NSUN3: variants seen among roughly 807,000 people sequenced by gnomAD.
The protein encoded by NSUN3 is NOP2/Sun RNA methyltransferase 3.
Under a neutral mutation model 36.8 loss-of-function variants are expected in NSUN3, and 24 were observed. The ratio of observed to expected loss-of-function variants is 0.65; its 90% CI spans 0.47 to 0.92. The LOEUF is 0.92. Ranked by LOEUF, NSUN3 falls within the 40% of genes least tolerant of loss-of-function variation. The pLI is 0.00. For missense variants in NSUN3, 381 were observed against 392.8 expected (o/e 0.97, Z 0.25); for synonymous variants, 146 against 145.2 (o/e 1.01, Z -0.04).
intron 4 of NSUN3, 97 bp downstream of exon 4, chr3:94,094,391 C>A (rs2077328934): frequency 1.6e-6 from 2 of 1,235,572 alleles, no homozygotes; most frequent in African/African-American, 1.5e-5. Context: ...TCAGACATAG[C>A]CTGATACAGT....
intron 5 of NSUN3, 25 bp downstream of exon 5, chr3:94,095,179 T>C: frequency 6.2e-7 from 1 of 1,607,458 alleles, no homozygotes; most frequent in Non-Finnish European, 8.5e-7. Flanking sequence ...TACAAAAGTG[T>C]ATTTTGGTGT....
At chr3:94,115,966 C>T in intron 5 of NSUN3, among the ~76,000 whole-genome samples, 1 of 152,236 alleles carries the variant, frequency 6.6e-6, no homozygotes, top group East Asian at 1.9e-4. Flanking sequence ...GAAACACCTT[C>T]CTTTGGAACT....
intron 5 of NSUN3, among the ~76,000 whole-genome samples, chr3:94,098,494 G>GT (rs906320186): frequency 2.6e-5 from 4 of 152,124 alleles, no homozygotes; most frequent in Non-Finnish European, 5.9e-5. Context: ...TTGTTTGTTT[G>GT]TTTTTTTAAT....
At chr3:94,122,151 TAA>T (rs753343062) in intron 5 of NSUN3, among the ~76,000 whole-genome samples, 41 of 57,014 alleles carry the variant, frequency 7.2e-4, no homozygotes, top group Admixed American at 1.2e-3. Context: ...TCCCCCCACC[TAA>T]AAAAAAAAAA....
chr3:94,124,148 C>CTTTTTTT (rs58987431), intron 5 of NSUN3, among the ~76,000 whole-genome samples: 18 of 88,184 alleles, frequency 2.0e-4, no homozygotes, highest in East Asian at 3.7e-4. Context: ...TATTTTATTT[C>CTTTTTTT]TTTTTTTTTT....
At chr3:94,077,801 T>G (rs2107241905) in intron 2 of NSUN3, among the ~76,000 whole-genome samples, 1 of 152,340 alleles carries the variant, frequency 6.6e-6, no homozygotes, top group East Asian at 1.9e-4. Context: ...ATATTATTTT[T>G]TATTGCGTCT....
intron 2 of NSUN3, among the ~76,000 whole-genome samples, chr3:94,075,137 A>C (rs1210960517): frequency 1.3e-5 from 2 of 152,038 alleles, no homozygotes; most frequent in African/African-American, 4.8e-5. Context: ...TTTAATTTTT[A>C]AAACAAATAC....
At chr3:94,092,628 G>T (rs2077320166) in intron 3 of NSUN3, among the ~76,000 whole-genome samples, 1 of 152,080 alleles carries the variant, frequency 6.6e-6, no homozygotes, top group Non-Finnish European at 1.5e-5. Flanking sequence ...CCTGGGCCTG[G>T]CACGGTGGCT....
intron 5 of NSUN3, among the ~76,000 whole-genome samples, chr3:94,097,448 G>A (rs1262324788): frequency 6.6e-6 from 1 of 151,804 alleles, no homozygotes; most frequent in Non-Finnish European, 1.5e-5. Flanking sequence ...ACATTCAAGA[G>A]GATCTATTGT....
chr3:94,126,231 G>C lies in NSUN3; in HGVS notation c.764G>C (p.Arg255Pro). The C allele has an allele frequency of 6.2e-7, 1 of 1,613,762 alleles. No homozygotes were observed. The highest frequency in any genetic ancestry group is 8.5e-7 in the Non-Finnish European group (1 of 1,179,780). Residue 255 changes from arginine (R) to proline (P), a missense_variant, in exon 6 of 6, where the codon CGT (arginine) becomes CCT (proline). Physicochemically the swap from Arg to Pro is moderately radical, Grantham distance 103 (BLOSUM62 -2). Coordinates refer to ENST00000314622, the MANE Select transcript of NSUN3 (RefSeq NM_022072.5). ...CACAGGTCTGCAATTAAGGCCTTACGTCCTGGAGGGATACTTGTATACTCT... is the reference window on the plus strand; with the variant it reads ...CACAGGTCTGCAATTAAGGCCTTACCTCCTGGAGGGATACTTGTATACTCT... ...ELLRSAIKAL[R>P]PGGILVYSTC...
intron 3 of NSUN3, among the ~76,000 whole-genome samples, chr3:94,089,566 C>T (rs2077306209): frequency 6.6e-6 from 1 of 152,192 alleles, no homozygotes; most frequent in Admixed American, 6.5e-5. Context: ...CTCAGGTGAG[C>T]ATGCATACAA....
chr3:94,097,666 T>C (rs1253190006), intron 5 of NSUN3, among the ~76,000 whole-genome samples: 2 of 152,250 alleles, frequency 1.3e-5, no homozygotes, highest in Non-Finnish European at 2.9e-5. Flanking sequence ...TACCAGTTTA[T>C]ACTCCCTGCT....
chr3:94,095,217 A>ACAGGC, intron 5 of NSUN3, 63 bp downstream of exon 5: 1 of 1,515,644 alleles, frequency 6.6e-7, no homozygotes, highest in South Asian at 1.2e-5. Flanking sequence ...GGCATAATAG[A>ACAGGC]ACATGTCAGG....
At chr3:94,068,147 G>A (rs1475620258) in intron 2 of NSUN3, among the ~76,000 whole-genome samples, 1 of 151,832 alleles carries the variant, frequency 6.6e-6, no homozygotes, top group East Asian at 1.9e-4. Flanking sequence ...CTGTAAAATG[G>A]GGAAAAAATA....
chr3:94,128,022 G>A lies in NSUN3; in HGVS notation c.*1532G>A, dbSNP rs1181654111. 1.2e-4 allele frequency: 18 copies of A among 152,082 alleles called. No individual in the cohort carries two copies. The highest frequency in any genetic ancestry group is 2.6e-4 in the Non-Finnish European group (18 of 68,030). The allele number at this position is 152,082 out of a possible 1,614,324, so 9.4% of individuals were successfully genotyped here. On this transcript the variant is annotated 3_prime_UTR_variant, in exon 6 of 6. Transcript: ENST00000314622. ...GCATCTCCTGAGGTCAGAAGTTCGA[G>A]ACTAGCCTGCCCAACATGGTAAAAC...
chr3:94,101,641 G>A (rs2077366573), intron 5 of NSUN3, among the ~76,000 whole-genome samples: 1 of 152,052 alleles, frequency 6.6e-6, no homozygotes, highest in African/African-American at 2.4e-5. Context: ...TGAGGGGCAA[G>A]GATAAAAGGA....
At chr3:94,088,028 A>G (rs2077299411) in intron 3 of NSUN3, among the ~76,000 whole-genome samples, 2 of 152,068 alleles carry the variant, frequency 1.3e-5, no homozygotes, top group Admixed American at 1.3e-4. Flanking sequence ...TTCTTGGTTT[A>G]ATTGCTTTTG....
chr3:94,125,354 A>G (rs1449506418), intron 5 of NSUN3, among the ~76,000 whole-genome samples: 1 of 152,210 alleles, frequency 6.6e-6, no homozygotes, highest in Non-Finnish European at 1.5e-5. Flanking sequence ...GAGACCTTTT[A>G]TCTGGTGATA....
Position 94,130,545 on chromosome 3 carries a change from T to A in NSUN3, c.*4055T>A, listed in dbSNP as rs756429500. Among the ~76,000 whole-genome samples, 1 of 152,186 alleles carries A rather than the reference T, an allele frequency of 6.6e-6. No homozygotes were observed. Among genetic ancestry groups the A allele is most frequent in the Non-Finnish European group, 1.5e-5 (1 of 68,028 alleles). On this transcript the variant is annotated 3_prime_UTR_variant, in exon 6 of 6. Transcript: ENST00000314622. ...AACACTTATGAGTTATATAAAATGTTCTAAAACTAGAAAAAACATGGTCTT... is the reference window on the plus strand; with the variant it reads ...AACACTTATGAGTTATATAAAATGTACTAAAACTAGAAAAAACATGGTCTT...
Sources: gnomAD v4.1 joint callset for allele counts (sites outside exome capture counted in the v4.1 genomes callset) on GRCh38, gnomAD v4.1.1 for gene constraint, MANE v1.5 for transcripts, NCBI Gene and HGNC (gene_info 2026-07-23, HGNC 2026-07-21) for gene names.